The following F13A1 variants were observed in gnomAD, a reference collection of about 807,000 sequenced individuals.
F13A1 encodes the protein coagulation factor XIII A chain.
F13A1 carries 47 observed loss-of-function variants against 80.1 expected under a neutral mutation model. That is an observed-to-expected ratio of 0.59 (90% confidence interval 0.46 to 0.75). The LOEUF is 0.75. Ranked by LOEUF, F13A1 falls within the 30% of genes least tolerant of loss-of-function variation. The pLI is 0.00. For missense variants in F13A1, 817 were observed against 930.4 expected (o/e 0.88, Z 1.59); for synonymous variants, 349 against 344.9 (o/e 1.01, Z -0.13).
intron 8 of F13A1, among the ~76,000 whole-genome samples, chr6:6,210,381 G>A (rs1761585451): frequency 1.3e-5 from 1 of 76,016 alleles, no homozygotes; most frequent in Admixed American, 1.3e-4. Context: ...GTCTTGCTCT[G>A]TCGCCCAGGC....
intron 3 of F13A1, among the ~76,000 whole-genome samples, chr6:6,274,743 A>G (rs1047906541): frequency 1.3e-5 from 2 of 152,208 alleles, no homozygotes; most frequent in Non-Finnish European, 2.9e-5. Context: ...GGAAACCCAG[A>G]GGAGGAAGTG....
chr6:6,262,876 C>G (rs1031703935), intron 4 of F13A1, among the ~76,000 whole-genome samples: 8 of 152,146 alleles, frequency 5.3e-5, no homozygotes, highest in African/African-American at 1.9e-4. Flanking sequence ...TCCAACCACT[C>G]AAGGATTTCA....
chr6:6,297,327 A>C (rs1414640999), intron 3 of F13A1, among the ~76,000 whole-genome samples: 1 of 151,820 alleles, frequency 6.6e-6, no homozygotes, highest in Non-Finnish European at 1.5e-5. Context: ...GAATGGTACC[A>C]GTTCCTCCTT....
chr6:6,207,471 C>T lies in F13A1; in HGVS notation c.1113-10145G>A, dbSNP rs149174338. Among the ~76,000 whole-genome samples the T allele has an allele frequency of 2.4e-3, 362 of 152,252 alleles. 1 individual carries two copies. Among genetic ancestry groups the T allele is most frequent in the African/African-American group, 8.0e-3 (333 of 41,520 alleles). Reference sequence around the variant, plus strand: ...CCACTTGAGACTAAAAAAGGGCTATCCAAAACACTTTGAAAGAAAAAACAG... The same window carrying T: ...CCACTTGAGACTAAAAAAGGGCTATTCAAAACACTTTGAAAGAAAAAACAG... On this transcript the variant is annotated intron_variant, in intron 8 of 14. Coordinates refer to ENST00000264870, the MANE Select transcript of F13A1 (RefSeq NM_000129.4).
At chr6:6,269,706 T>G (rs531021632) in intron 3 of F13A1, among the ~76,000 whole-genome samples, 72 of 152,030 alleles carry the variant, frequency 4.7e-4, no homozygotes, top group African/African-American at 1.5e-3. Flanking sequence ...GTTTTTTTTT[T>G]TGTTTGTTTT....
In F13A1 at chr6:6,250,732, T is replaced by G; in HGVS notation, c.690+79A>C. The stretch of plus-strand genomic sequence containing the variant: ...ATTGTGCTTGTCTAATATCGATATA[T>G]GGGATCCTGTAGGGATACATGTGAC... On this transcript the variant is annotated intron_variant, in intron 5 of 14. Transcript: ENST00000264870. This position sits in a 1 kb window ranked among gnomAD's most constrained non-coding sequence, Gnocchi z 4.2. 3.6e-5 allele frequency: 33 copies of G among 924,764 alleles called. No homozygotes were observed. The highest frequency in any genetic ancestry group is 5.4e-5 in the Non-Finnish European group (30 of 558,606). The allele number at this position is 924,764 out of a possible 1,614,324, so 57.3% of individuals were successfully genotyped here. A position where few individuals can be genotyped will look rare whatever the true frequency, so the allele number is the denominator to read the frequency against.
intron 3 of F13A1, among the ~76,000 whole-genome samples, chr6:6,285,540 C>A (rs1401067174): frequency 6.6e-6 from 1 of 152,170 alleles, no homozygotes; most frequent in Non-Finnish European, 1.5e-5. Flanking sequence ...TTCCTGAAGG[C>A]TAAAGAAATG....
In F13A1 at chr6:6,197,288, G is replaced by A; in HGVS notation, c.1151C>T (p.Pro384Leu). 6.2e-7 allele frequency: 1 copy of A among 1,614,214 alleles called. No homozygotes were observed. Among genetic ancestry groups the A allele is most frequent in the Non-Finnish European group, 8.5e-7 (1 of 1,180,044 alleles). ...GCCTCCAAATCCAACAGGAAGGTCA[G>A]GCCTTGTCATCCATGCTTCATTCCA... ...HCWNEAWMTR[P>L]DLPVGFGGWQ... The change falls in exon 9 of 15, where the codon CCT becomes CTT. Residue 384 changes from proline (P) to leucine (L), a missense_variant. Transcript: ENST00000264870.
chr6:6,217,259 C>T (rs1757106512), intron 8 of F13A1, among the ~76,000 whole-genome samples: 1 of 151,968 alleles, frequency 6.6e-6, no homozygotes, highest in Non-Finnish European at 1.5e-5. Flanking sequence ...TTCACAATAG[C>T]AAAGACTTGG....
intron 3 of F13A1, among the ~76,000 whole-genome samples, chr6:6,292,775 A>G (rs574200978): frequency 1.6e-4 from 25 of 152,338 alleles, no homozygotes; most frequent in African/African-American, 6.0e-4. Context: ...CAAGGCTGCC[A>G]GCATTAGGAC....
At chr6:6,308,474 A>AAAG (rs1554105936) in intron 2 of F13A1, among the ~76,000 whole-genome samples, 37 of 151,908 alleles carry the variant, frequency 2.4e-4, no homozygotes, top group African/African-American at 8.7e-4. Flanking sequence ...AAAAAAAAAA[A>AAAG]AGAGACCATT....
chr6:6,191,626 G>A (rs938039327), intron 10 of F13A1, among the ~76,000 whole-genome samples: 1 of 152,204 alleles, frequency 6.6e-6, no homozygotes, highest in Non-Finnish European at 1.5e-5. Flanking sequence ...TCCACAGGTG[G>A]CAGAAGATAT....
intron 13 of F13A1, among the ~76,000 whole-genome samples, chr6:6,156,644 C>T (rs575667588): frequency 1.5e-3 from 231 of 152,322 alleles, no homozygotes; most frequent in African/African-American, 5.5e-3. Context: ...ACAGGCACTG[C>T]CCCTGCTTTT....
chr6:6,244,220 C>T (rs1200525461), intron 6 of F13A1, among the ~76,000 whole-genome samples: 2 of 152,198 alleles, frequency 1.3e-5, no homozygotes, highest in Non-Finnish European at 2.9e-5. Context: ...AAGCATTCTC[C>T]TTAGCTTTCT....
At chr6:6,209,326 A>T (rs1156985137) in intron 8 of F13A1, among the ~76,000 whole-genome samples, 2 of 150,412 alleles carry the variant, frequency 1.3e-5, no homozygotes, top group Non-Finnish European at 3.0e-5. Context: ...TAATAATTAA[A>T]AAAAAAAAAA....
At chr6:6,308,534 T>C (rs1353995522) in intron 2 of F13A1, among the ~76,000 whole-genome samples, 1 of 151,570 alleles carries the variant, frequency 6.6e-6, no homozygotes, top group Non-Finnish European at 1.5e-5. Context: ...ATATTGTCAG[T>C]GTCTTGGATA....
chr6:6,267,011 T>C (rs1305114512), intron 3 of F13A1, among the ~76,000 whole-genome samples: 1 of 152,244 alleles, frequency 6.6e-6, no homozygotes, highest in East Asian at 1.9e-4. Flanking sequence ...ATTCACTTCA[T>C]TTGTTTTCTA....
At chr6:6,152,276 G>A (rs759729150) in intron 13 of F13A1, among the ~76,000 whole-genome samples, 11 of 152,150 alleles carry the variant, frequency 7.2e-5, no homozygotes, top group Non-Finnish European at 1.5e-4. Context: ...CGGTGAGGGC[G>A]GCCAAGTGAA....
At chr6:6,309,481 G>A (rs1350365287) in intron 2 of F13A1, among the ~76,000 whole-genome samples, 1 of 152,198 alleles carries the variant, frequency 6.6e-6, no homozygotes, top group Non-Finnish European at 1.5e-5. Flanking sequence ...AGAAGGATAG[G>A]TGAAGACTGA....
Sources: gnomAD v4.1 joint callset for allele counts (sites outside exome capture counted in the v4.1 genomes callset) on GRCh38, gnomAD v4.1.1 for gene constraint, Gnocchi (gnomAD v3.1) non-coding constraint, MANE v1.5 for transcripts, NCBI Gene and HGNC (gene_info 2026-07-23, HGNC 2026-07-21) for gene names.